AUTS2: variants seen among roughly 807,000 people sequenced by gnomAD.
AUTS2 encodes autism susceptibility gene 2 protein.
A neutral mutation model predicts 112.4 loss-of-function variants in AUTS2; 17 were observed. The observed-to-expected ratio is 0.15, with a 90% CI of 0.10 to 0.23. The LOEUF (loss-of-function observed/expected upper bound fraction) is 0.23. AUTS2 is among the 10% of genes least tolerant of loss of function. The probability of loss-of-function intolerance (pLI) is 1.00; values close to 1 mark genes in which losing one functional copy is unlikely to be tolerated. For synonymous variants in AUTS2, 751 were observed against 702.7 expected (o/e 1.07, Z -1.09); for missense variants, 1,510 against 1,701.6 (o/e 0.89, Z 1.98).
At chr7:70,639,945 G>C (rs919512449) in intron 5 of AUTS2, among the ~76,000 whole-genome samples, 5 of 152,004 alleles carry the variant, frequency 3.3e-5, no homozygotes, top group African/African-American at 9.7e-5. Flanking sequence ...CAGAGTCTCT[G>C]TTGTGCTCTT....
intron 2 of AUTS2, among the ~76,000 whole-genome samples, chr7:69,955,595 AAAACTGCAGCCGCTTTGC>A (rs1473869157): frequency 6.6e-6 from 1 of 152,156 alleles, no homozygotes; most frequent in Non-Finnish European, 1.5e-5. Context: ...GCTGGGCAGG[AAAACTGCAGCCGCTTTGC>A]AAACAGCATG....
intron 4 of AUTS2, among the ~76,000 whole-genome samples, chr7:70,324,350 A>G (rs1213273980): frequency 6.6e-6 from 1 of 152,218 alleles, no homozygotes; most frequent in African/African-American, 2.4e-5. Flanking sequence ...TGAAGCTATC[A>G]CTGCAAATAT....
At chr7:70,303,616 T>C (rs1789348034) in intron 4 of AUTS2, among the ~76,000 whole-genome samples, 1 of 152,150 alleles carries the variant, frequency 6.6e-6, no homozygotes, top group African/African-American at 2.4e-5. Flanking sequence ...AATCCCCTTG[T>C]GGGTTACAGT....
chr7:69,792,954 C>T (rs1369517874), intron 1 of AUTS2, among the ~76,000 whole-genome samples: 1 of 152,116 alleles, frequency 6.6e-6, no homozygotes, highest in Admixed American at 6.5e-5. Flanking sequence ...CCGGGCTATT[C>T]CAGTGGGTGT....
rs149912312 is a variant in AUTS2 at position 70,147,335 on chromosome 7, C to T, written c.660+12764C>T. Among the ~76,000 whole-genome samples the T allele has an allele frequency of 9.2e-5, 14 of 151,772 alleles. No individual in the cohort carries two copies. The East Asian group carries it at 2.7e-3, about 29-fold the overall frequency. ...ATGTTATAACTTTTTCAAAGGTAAA[C>T]CAAAAGAAAATCCACAGTTATAGAT... On this transcript the variant is annotated intron_variant, in intron 4 of 18. Coordinates refer to ENST00000342771, the MANE Select transcript of AUTS2 (RefSeq NM_015570.4).
At chr7:70,007,958 C>T (rs1215687863) in intron 2 of AUTS2, among the ~76,000 whole-genome samples, 1 of 151,886 alleles carries the variant, frequency 6.6e-6, no homozygotes, top group Non-Finnish European at 1.5e-5. Flanking sequence ...TTACATTGGC[C>T]TTTCTTGATT....
intron 4 of AUTS2, among the ~76,000 whole-genome samples, chr7:70,145,191 C>CT (rs1426970450): frequency 2.0e-5 from 3 of 152,028 alleles, no homozygotes; most frequent in African/African-American, 4.8e-5. Context: ...TTATCTGGAG[C>CT]TTTAACAGAA....
chr7:70,390,604 T>G (rs1489901421), intron 4 of AUTS2, among the ~76,000 whole-genome samples: 4 of 151,816 alleles, frequency 2.6e-5, no homozygotes, highest in Admixed American at 2.6e-4. Context: ...ATTACAGGCA[T>G]GAGGAGAGTT....
intron 4 of AUTS2, among the ~76,000 whole-genome samples, chr7:70,140,640 A>G (rs1482862996): frequency 2.0e-5 from 3 of 152,210 alleles, no homozygotes; most frequent in East Asian, 3.8e-4. Flanking sequence ...GATAAATAAC[A>G]TTAAGTATTT....
chr7:69,744,937 G>GT (rs1254903408), intron 1 of AUTS2, among the ~76,000 whole-genome samples: 1 of 152,210 alleles, frequency 6.6e-6, no homozygotes, highest in East Asian at 1.9e-4. Flanking sequence ...CTGTTATCCT[G>GT]TTGTGCACCC....
intron 1 of AUTS2, among the ~76,000 whole-genome samples, chr7:69,618,843 C>T (rs959091333): frequency 3.9e-5 from 6 of 151,982 alleles, no homozygotes; most frequent in East Asian, 1.9e-4. Flanking sequence ...CACAGTCAAC[C>T]GTAAGTTTTA....
chr7:70,366,160 AG>A (rs1281993276), intron 4 of AUTS2, among the ~76,000 whole-genome samples: 1 of 152,190 alleles, frequency 6.6e-6, no homozygotes, highest in Non-Finnish European at 1.5e-5. Context: ...AGAGAGAGGA[AG>A]TTCTCCTATA....
At chr7:70,494,661 G>A (rs953861379) in intron 5 of AUTS2, among the ~76,000 whole-genome samples, 2 of 151,920 alleles carry the variant, frequency 1.3e-5, no homozygotes, top group Middle Eastern at 3.4e-3. Context: ...CCACTTAAGA[G>A]AACAGACTGG....
At chr7:70,252,965 A>G (rs1235361913) in intron 4 of AUTS2, among the ~76,000 whole-genome samples, 1 of 152,068 alleles carries the variant, frequency 6.6e-6, no homozygotes, top group African/African-American at 2.4e-5. Context: ...CCAGTACCAT[A>G]CCTTTATGAT....
At chr7:69,656,176 G>C (rs1272946166) in intron 1 of AUTS2, among the ~76,000 whole-genome samples, 1 of 152,196 alleles carries the variant, frequency 6.6e-6, no homozygotes, top group Admixed American at 6.5e-5. Context: ...TGGCCCCTCT[G>C]CCCCTTCCCC....
chr7:69,623,041 G>A (rs1360833643), intron 1 of AUTS2, among the ~76,000 whole-genome samples: 1 of 152,128 alleles, frequency 6.6e-6, no homozygotes, highest in Non-Finnish European at 1.5e-5. Flanking sequence ...GGAGAATTTG[G>A]AGTAGGTAGT....
At chr7:70,588,974 T>C (rs1198809200) in intron 5 of AUTS2, among the ~76,000 whole-genome samples, 1 of 152,186 alleles carries the variant, frequency 6.6e-6, no homozygotes, top group Admixed American at 6.5e-5. Context: ...CAGACTCCGA[T>C]CTATATATCA....
chr7:70,252,011 A>G (rs1048444207), intron 4 of AUTS2, among the ~76,000 whole-genome samples: 16 of 152,220 alleles, frequency 1.1e-4, no homozygotes, highest in African/African-American at 3.1e-4. Flanking sequence ...TAAATAATTT[A>G]GGTTATATAT....
chr7:69,832,257 G>A (rs752739752), intron 1 of AUTS2, among the ~76,000 whole-genome samples: 3 of 152,052 alleles, frequency 2.0e-5, no homozygotes, highest in Non-Finnish European at 4.4e-5. Flanking sequence ...TCTTACCCTG[G>A]TCATCTATTG....
Sources: allele counts gnomAD v4.1 joint callset (sites outside exome capture counted in the v4.1 genomes callset), GRCh38; gene constraint gnomAD v4.1.1; transcripts MANE v1.5; gene names NCBI Gene and HGNC (gene_info 2026-07-23, HGNC 2026-07-21).